Variants in NXPE4 observed in about 807,000 individuals in gnomAD.
NXPE4 encodes the protein NXPE family member 4.
A neutral mutation model predicts 33.3 loss-of-function variants in NXPE4; 42 were observed. The ratio of observed to expected loss-of-function variants is 1.26; its 90% CI spans 0.98 to 1.63. The LOEUF (loss-of-function observed/expected upper bound fraction) is 1.63. NXPE4 is among the 40% of genes most tolerant of loss of function. NXPE4 has a pLI of 0.00. For synonymous variants in NXPE4, 253 were observed against 234.9 expected (o/e 1.08, Z -0.71); for missense variants, 709 against 647.6 (o/e 1.09, Z -1.03).
the NXPE4 span, among the ~76,000 whole-genome samples, chr11:114,640,099 T>G: frequency 8.1e-6 from 1 of 124,012 alleles, no homozygotes; most frequent in Non-Finnish European, 1.6e-5. Context: ...ATATAATATA[T>G]GATTATATAT....
chr11:114,674,712 TC>T, the NXPE4 span, among the ~76,000 whole-genome samples: 2 of 151,768 alleles, frequency 1.3e-5, no homozygotes, highest in African/African-American at 4.8e-5. Context: ...TCTCATGAAT[TC>T]TAGTAAACAT....
the NXPE4 span, among the ~76,000 whole-genome samples, chr11:114,652,358 C>T: frequency 2.0e-5 from 3 of 152,198 alleles, no homozygotes; most frequent in Non-Finnish European, 4.4e-5. Context: ...GCTCCCTGTG[C>T]CTAAGCTTGA....
At chr11:114,630,651 AC>A in the NXPE4 span, among the ~76,000 whole-genome samples, 2 of 151,208 alleles carry the variant, frequency 1.3e-5, no homozygotes, top group African/African-American at 4.9e-5. Flanking sequence ...AGCAATGGCA[AC>A]AAAAGCCAAA....
the NXPE4 span, among the ~76,000 whole-genome samples, chr11:114,663,637 C>CATCTATCTATCATCT: frequency 0.13 from 18,272 of 138,424 alleles, 1,463 homozygotes; most frequent in Admixed American, 0.16. Flanking sequence ...ATCTATCTAT[C>CATCTATCTATCATCT]ATCTATCCAT....
intron 5 of NXPE4, among the ~76,000 whole-genome samples, chr11:114,574,696 G>T (rs1414102689): frequency 6.6e-6 from 1 of 151,954 alleles, no homozygotes; most frequent in East Asian, 1.9e-4. Flanking sequence ...AGATTGAAAT[G>T]ATAGTTAAAA....
chr11:114,669,863 G>A, the NXPE4 span, among the ~76,000 whole-genome samples: 1 of 152,048 alleles, frequency 6.6e-6, no homozygotes, highest in Non-Finnish European at 1.5e-5. Context: ...GGAACACTAA[G>A]CATGTGGGAG....
chr11:114,646,206 G>C, the NXPE4 span, among the ~76,000 whole-genome samples: 2 of 151,902 alleles, frequency 1.3e-5, no homozygotes, highest in African/African-American at 2.4e-5. Flanking sequence ...TCTCTGTTAA[G>C]TGTAATCACT....
Position 114,580,194 on chromosome 11 carries a change from A to T in NXPE4, c.1037T>A (p.Ile346Lys). ...GATCGTGGAATCTCCCATTAGGTAT[A>T]TGAGTTTTCCTCTCAGGCATTCCTT... ...KMKECLRGKL[I>K]YLMGDSTIRQ... Residue 346 changes from isoleucine to lysine, a missense_variant, in exon 5 of 6, where the codon ATA becomes AAA. Coordinates refer to ENST00000375478, the MANE Select transcript of NXPE4 (RefSeq NM_001077639.2). 1 of 1,614,110 alleles carries T rather than the reference A, an allele frequency of 6.2e-7. No homozygotes were observed. Among genetic ancestry groups the T allele is most frequent in the Non-Finnish European group, 8.5e-7 (1 of 1,179,966 alleles).
intron 5 of NXPE4, among the ~76,000 whole-genome samples, chr11:114,574,736 T>G (rs1232249415): frequency 6.6e-6 from 1 of 151,916 alleles, no homozygotes; most frequent in Non-Finnish European, 1.5e-5. Context: ...TCAGGATAGA[T>G]TCACAGCTGA....
the NXPE4 span, among the ~76,000 whole-genome samples, chr11:114,626,794 C>G: frequency 1.3e-5 from 2 of 152,000 alleles, no homozygotes; most frequent in African/African-American, 4.8e-5. Context: ...TAATGTATAA[C>G]TAGAATAACC....
At chr11:114,628,316 C>T in the NXPE4 span, among the ~76,000 whole-genome samples, 1 of 151,912 alleles carries the variant, frequency 6.6e-6, no homozygotes, top group South Asian at 2.1e-4. Flanking sequence ...TTATAACAAA[C>T]TGTCTCTCAG....
chr11:114,581,646 G>A (rs545461568), intron 4 of NXPE4, 79 bp downstream of exon 4: 5 of 1,201,394 alleles, frequency 4.2e-6, no homozygotes, highest in Non-Finnish European at 6.1e-6. Flanking sequence ...CTGAAACAGT[G>A]AACAAATCCA....
At position 114,570,870 on chromosome 11, in the gene NXPE4, C is replaced by T; in HGVS notation, c.*68G>A. The T allele has an allele frequency of 8.9e-7, 1 of 1,119,786 alleles. No homozygotes were observed. Among genetic ancestry groups the T allele is most frequent in the East Asian group, 2.6e-5 (1 of 38,754 alleles). 69.4% of individuals were successfully genotyped at this position (1,119,786 alleles called of 1,614,324 possible). On this transcript the variant is annotated 3_prime_UTR_variant, in exon 6 of 6. Transcript: ENST00000375478. ...GGGAATTCAGAGCCAAACACAGCAT[C>T]TGGCCTGCTAGTAGACAGTCAATAA...
intron 5 of NXPE4, among the ~76,000 whole-genome samples, 195 bp from the exon 6 acceptor site, chr11:114,571,668 A>G (rs1482162590): frequency 2.6e-5 from 4 of 152,216 alleles, no homozygotes; most frequent in Admixed American, 1.3e-4. Context: ...TTGGATTAAG[A>G]TGGTGGATAG....
chr11:114,572,017 C>T (rs1013768625), intron 5 of NXPE4, among the ~76,000 whole-genome samples: 1 of 152,218 alleles, frequency 6.6e-6, no homozygotes, highest in Non-Finnish European at 1.5e-5. Context: ...CTGCTAACTC[C>T]ACTGGAGCAG....
At chr11:114,573,066 T>A (rs573603356) in intron 5 of NXPE4, among the ~76,000 whole-genome samples, 47 of 152,110 alleles carry the variant, frequency 3.1e-4, no homozygotes, top group Non-Finnish European at 5.9e-4. Context: ...TTTAGCCTCC[T>A]TAAACAAAAA....
At position 114,571,059 on chromosome 11, in the gene NXPE4, T is replaced by C; in HGVS notation, c.1514A>G (p.Asp505Gly). Residue 505 changes from aspartate to glycine, a missense_variant, in exon 6 of 6, where the codon GAT becomes GGT. Transcript: ENST00000375478. ...QYLIIKDIFQ[D>G]LSVSIIDAWD... ...GGCATCAATGATACTCACACTGAGA[T>C]CCTGGAAAATGTCCTTTATGATGAG... is the stretch of plus-strand genomic sequence containing the variant. 1 of 1,613,962 alleles carries C rather than the reference T, an allele frequency of 6.2e-7. No individual in the cohort carries two copies. Among genetic ancestry groups the C allele is most frequent in the African/African-American group, 1.3e-5 (1 of 75,042 alleles).
the NXPE4 span, among the ~76,000 whole-genome samples, chr11:114,610,096 A>G: frequency 6.6e-6 from 1 of 151,814 alleles, no homozygotes; most frequent in East Asian, 1.9e-4. Context: ...CTGGTGAATA[A>G]TAAGTGTTGT....
chr11:114,629,577 A>C, the NXPE4 span, among the ~76,000 whole-genome samples: 6 of 152,072 alleles, frequency 3.9e-5, no homozygotes, highest in South Asian at 1.2e-3. Context: ...TTGAATGGGC[A>C]AAAACTGGAA....
Sources: gnomAD v4.1 joint callset for allele counts (sites outside exome capture counted in the v4.1 genomes callset) on GRCh38, gnomAD v4.1.1 for gene constraint, MANE v1.5 for transcripts, NCBI Gene and HGNC (gene_info 2026-07-23, HGNC 2026-07-21) for gene names.